SOX6: variants seen among roughly 807,000 people sequenced by gnomAD.
SOX6 encodes SRY-box transcription factor 6, also known as transcription factor SOX-6.
In SOX6, 11 loss-of-function variants were observed where a neutral mutation model predicts 97.8. That is an observed-to-expected ratio of 0.11 (90% CI 0.07 to 0.19). The LOEUF (loss-of-function observed/expected upper bound fraction) is 0.19, where lower values mean the gene tolerates loss of function less well. SOX6 is among the 10% of genes least tolerant of loss of function. SOX6 has a pLI of 1.00. For missense variants in SOX6, 810 were observed against 1,039.5 expected (o/e 0.78, Z 3.04); for synonymous variants, 360 against 371.4 (o/e 0.97, Z 0.35).
chr11:16,715,666 A>T, intron 2 of SOX6, among the ~76,000 whole-genome samples: 1 of 152,124 alleles, frequency 6.6e-6, no homozygotes, highest in East Asian at 1.9e-4. Flanking sequence ...CTCTACTCAA[A>T]GCAAAAAGTA....
At chr11:16,361,057 T>C (rs1422793264), upstream of SOX6, among the ~76,000 whole-genome samples, 2 of 152,026 alleles carry the variant, frequency 1.3e-5, no homozygotes, top group Non-Finnish European at 2.9e-5. Context: ...TAGCAACAGC[T>C]AACTCTCCCT....
At chr11:16,199,931 A>T (rs1851887859) in intron 4 of SOX6, among the ~76,000 whole-genome samples, 3 of 152,150 alleles carry the variant, frequency 2.0e-5, no homozygotes. Context: ...ATTTCACAAG[A>T]ATTTATATTA....
intron 6 of SOX6, among the ~76,000 whole-genome samples, chr11:16,118,198 C>T (rs1043836686): frequency 1.5e-4 from 23 of 152,180 alleles, no homozygotes; most frequent in African/African-American, 4.6e-4. Flanking sequence ...AACCCCATCA[C>T]GGGTGAAGCT....
At chr11:16,178,933 C>A (rs1590001195) in intron 6 of SOX6, among the ~76,000 whole-genome samples, 1 of 151,872 alleles carries the variant, frequency 6.6e-6, no homozygotes, top group African/African-American at 2.4e-5. Context: ...ATGGAAGGTG[C>A]AGCTCTTAAA....
intron 6 of SOX6, among the ~76,000 whole-genome samples, chr11:16,166,191 T>C (rs187964426): frequency 1.2e-3 from 185 of 152,258 alleles, no homozygotes; most frequent in Non-Finnish European, 2.2e-3. Flanking sequence ...CTATGGACTG[T>C]TTATTTCACC....
At chr11:16,113,820 T>C (rs924076944) in intron 6 of SOX6, among the ~76,000 whole-genome samples, 5 of 152,188 alleles carry the variant, frequency 3.3e-5, no homozygotes, top group Non-Finnish European at 5.9e-5. Context: ...CTGAAGATGT[T>C]TGAATATTTA....
At chr11:16,677,577 C>G (rs536137257) in intron 3 of SOX6, among the ~76,000 whole-genome samples, 1 of 152,050 alleles carries the variant, frequency 6.6e-6, no homozygotes, top group Non-Finnish European at 1.5e-5. Flanking sequence ...TCCACTTGGT[C>G]GTGATGAATT....
At chr11:16,534,686 T>C (rs906268429) in intron 4 of SOX6, among the ~76,000 whole-genome samples, 1 of 152,082 alleles carries the variant, frequency 6.6e-6, no homozygotes. Context: ...TTGAGTTTTG[T>C]CTGGGGACCC....
At chr11:16,112,645 A>C (rs191519369) in intron 6 of SOX6, among the ~76,000 whole-genome samples, 1 of 152,290 alleles carries the variant, frequency 6.6e-6, no homozygotes, top group Non-Finnish European at 1.5e-5. Context: ...GACCTCAATA[A>C]ATGTATCAAA....
At chr11:16,277,252 A>G (rs1346116730) in intron 3 of SOX6, among the ~76,000 whole-genome samples, 1 of 152,096 alleles carries the variant, frequency 6.6e-6, no homozygotes, top group Non-Finnish European at 1.5e-5. Context: ...TGGGGCCTTC[A>G]TAACAGGACT....
At chr11:16,556,980 C>A (rs939455674) in intron 4 of SOX6, among the ~76,000 whole-genome samples, 1 of 151,654 alleles carries the variant, frequency 6.6e-6, no homozygotes, top group Admixed American at 6.6e-5. Context: ...CATAGGTTTC[C>A]TTTTTCAATG....
intron 6 of SOX6, among the ~76,000 whole-genome samples, chr11:16,146,688 C>A (rs1337340840): frequency 6.6e-6 from 1 of 152,120 alleles, no homozygotes; most frequent in East Asian, 1.9e-4. Context: ...AAAAAGTGGG[C>A]AAAGGATATG....
chr11:16,354,971 T>C (rs1363338066), intron 1 of SOX6, among the ~76,000 whole-genome samples: 1 of 152,044 alleles, frequency 6.6e-6, no homozygotes, highest in Non-Finnish European at 1.5e-5. Flanking sequence ...CACATTCTCA[T>C]GAGCTGATTG....
chr11:16,385,434 T>C (rs1388153600), intron 1 of SOX6, among the ~76,000 whole-genome samples: 4 of 152,108 alleles, frequency 2.6e-5, no homozygotes, highest in Admixed American at 2.6e-4. Context: ...GCCTGTAAAA[T>C]GTTTATTGAA....
intron 12 of SOX6, among the ~76,000 whole-genome samples, chr11:16,046,067 G>A (rs997232970): frequency 6.6e-6 from 1 of 152,126 alleles, no homozygotes; most frequent in Non-Finnish European, 1.5e-5. Context: ...AATGCAATTT[G>A]CAAATTGCTT....
At chr11:16,213,611 C>T (rs964226504) in intron 4 of SOX6, among the ~76,000 whole-genome samples, 4 of 152,128 alleles carry the variant, frequency 2.6e-5, no homozygotes, top group Non-Finnish European at 5.9e-5. Flanking sequence ...CCCACAAAAG[C>T]TGATATGCTC....
chr11:16,553,408 T>G (rs1847711727), intron 4 of SOX6, among the ~76,000 whole-genome samples: 1 of 152,124 alleles, frequency 6.6e-6, no homozygotes, highest in African/African-American at 2.4e-5. Context: ...AATTAGAACT[T>G]TCTAGAAAAG....
rs571800502 is a variant in SOX6, at chr11:16,639,982, T to C, written n.430-27722A>G. On this transcript the variant is annotated intron_variant and non_coding_transcript_variant, in intron 3 of 5. Transcript: ENST00000524520. Reference sequence around the variant, plus strand: ...GTGGTGAGAGAGGGCATCCCTGTCTTGTGCCAGTTTTCAAAGGGAATGCTT... The same window carrying C: ...GTGGTGAGAGAGGGCATCCCTGTCTCGTGCCAGTTTTCAAAGGGAATGCTT... Among the ~76,000 whole-genome samples the C allele has an allele frequency of 6.0e-3, 921 of 152,274 alleles. 5 individuals carry two copies. Among genetic ancestry groups the C allele is most frequent in the Non-Finnish European group, 0.01 (698 of 68,020 alleles).
intron 3 of SOX6, among the ~76,000 whole-genome samples, chr11:16,266,988 G>A (rs10766315): frequency 0.8 from 118,408 of 147,608 alleles, 46,453 homozygotes; most frequent in Middle Eastern, 0.82. Context: ...TGGATAACCC[G>A]TATGTAAAAG....
Sources: allele counts gnomAD v4.1 joint callset (sites outside exome capture counted in the v4.1 genomes callset), GRCh38; gene constraint gnomAD v4.1.1; transcripts MANE v1.5; gene names NCBI Gene and HGNC (gene_info 2026-07-23, HGNC 2026-07-21).